The following NDUFS4 variants were observed in gnomAD, a reference collection of about 807,000 sequenced individuals.
NDUFS4 encodes the protein NADH dehydrogenase [ubiquinone] iron-sulfur protein 4, mitochondrial.
NDUFS4 carries 28 observed loss-of-function variants against 24.3 expected under a neutral mutation model. The observed-to-expected ratio is 1.15, with a 90% CI of 0.85 to 1.58. The LOEUF is 1.58. Among genes scored for constraint, NDUFS4 ranks in the 40% most tolerant of loss-of-function variants. The probability of loss-of-function intolerance (pLI) is 0.00; values close to 1 mark genes in which losing one functional copy is unlikely to be tolerated. For missense variants in NDUFS4, 223 were observed against 207.9 expected (o/e 1.07, Z -0.45); for synonymous variants, 93 against 69.7 (o/e 1.34, Z -1.67).
chr5:53,619,507 A>AAC (rs1263208791), intron 2 of NDUFS4, among the ~76,000 whole-genome samples: 7 of 150,480 alleles, frequency 4.7e-5, no homozygotes, highest in Non-Finnish European at 8.9e-5. Flanking sequence ...AAAAAAAAAA[A>AAC]ACACATTATA....
intron 1 of NDUFS4, among the ~76,000 whole-genome samples, chr5:53,575,987 A>G (rs1257119871): frequency 6.6e-6 from 1 of 152,276 alleles, no homozygotes; most frequent in Non-Finnish European, 1.5e-5. Flanking sequence ...TTATTTAAAG[A>G]TGTTGCCCAT....
At chr5:53,574,606 ATCTTT>A (rs1396183573) in intron 1 of NDUFS4, among the ~76,000 whole-genome samples, 1 of 152,140 alleles carries the variant, frequency 6.6e-6, no homozygotes, top group African/African-American at 2.4e-5. Flanking sequence ...ATTTTTCATC[ATCTTT>A]TCTTTTGAAT....
At chr5:53,566,842 G>A (rs982121100) in intron 1 of NDUFS4, among the ~76,000 whole-genome samples, 9 of 146,526 alleles carry the variant, frequency 6.1e-5, no homozygotes, top group African/African-American at 2.1e-4. Context: ...CTCCCCCACC[G>A]CCAAGTATTT....
chr5:53,601,003 A>T (rs994154890), intron 1 of NDUFS4, among the ~76,000 whole-genome samples: 11 of 130,698 alleles, frequency 8.4e-5, no homozygotes, highest in Non-Finnish European at 1.5e-4. Context: ...TTTATAATAA[A>T]TTTTTTTTTT....
At chr5:53,658,797 A>AC in intron 4 of NDUFS4, 173 bp downstream of exon 4, 1 of 593,118 alleles carries the variant, frequency 1.7e-6, no homozygotes, top group East Asian at 2.8e-5. Context: ...AAAAAAAAAA[A>AC]AAAAAAACCT....
intron 2 of NDUFS4, among the ~76,000 whole-genome samples, chr5:53,605,902 T>C (rs917678672): frequency 2.0e-5 from 3 of 151,606 alleles, no homozygotes; most frequent in African/African-American, 7.3e-5. Flanking sequence ...TAGTCCCAGC[T>C]GCTGAGGAGG....
intron 4 of NDUFS4, among the ~76,000 whole-genome samples, chr5:53,662,705 C>T (rs1354982048): frequency 6.6e-6 from 1 of 152,152 alleles, no homozygotes; most frequent in Non-Finnish European, 1.5e-5. Context: ...GATTCAGCTT[C>T]TTCCTGGTTT....
chr5:53,634,035 A>T (rs1751480680), intron 2 of NDUFS4, among the ~76,000 whole-genome samples: 1 of 152,224 alleles, frequency 6.6e-6, no homozygotes, highest in Non-Finnish European at 1.5e-5. Flanking sequence ...CTTGCATTAT[A>T]ATATAATGTT....
At chr5:53,610,867 A>T (rs1235044637) in intron 2 of NDUFS4, among the ~76,000 whole-genome samples, 1 of 152,068 alleles carries the variant, frequency 6.6e-6, no homozygotes, top group Non-Finnish European at 1.5e-5. Context: ...TGTGGTGGGG[A>T]TTATTGCCTT....
intron 1 of NDUFS4, among the ~76,000 whole-genome samples, chr5:53,571,034 G>A (rs979144903): frequency 2.0e-5 from 3 of 151,718 alleles, no homozygotes; most frequent in Admixed American, 2.0e-4. Flanking sequence ...ATTTCATTAC[G>A]GATTTTTATT....
intron 2 of NDUFS4, among the ~76,000 whole-genome samples, chr5:53,640,888 G>A (rs1751689137): frequency 6.6e-6 from 1 of 152,078 alleles, no homozygotes; most frequent in South Asian, 2.1e-4. Context: ...ATTAATCTGT[G>A]ACATTAACCA....
intron 1 of NDUFS4, among the ~76,000 whole-genome samples, chr5:53,580,027 G>A (rs1749506213): frequency 6.6e-6 from 1 of 152,088 alleles, no homozygotes; most frequent in South Asian, 2.1e-4. Context: ...CTGACTTCTA[G>A]ATCTATAAGA....
At chr5:53,650,448 T>C (rs187608635) in intron 3 of NDUFS4, among the ~76,000 whole-genome samples, 60 of 152,314 alleles carry the variant, frequency 3.9e-4, no homozygotes, top group Admixed American at 9.8e-4. Flanking sequence ...CTGTGTATTT[T>C]TGGGCTTAGT....
chr5:53,672,000 G>A (rs190336691), intron 4 of NDUFS4, among the ~76,000 whole-genome samples: 37 of 152,230 alleles, frequency 2.4e-4, no homozygotes, highest in Middle Eastern at 3.4e-3. Flanking sequence ...ATTCTTCATA[G>A]TGGGTCTATT....
chr5:53,624,504 A>G (rs1241061270), intron 2 of NDUFS4, among the ~76,000 whole-genome samples: 1 of 152,056 alleles, frequency 6.6e-6, no homozygotes, highest in Non-Finnish European at 1.5e-5. Flanking sequence ...TATGTCTTTA[A>G]TTTCTTTTAA....
chr5:53,637,662 T>C (rs1185236155), intron 2 of NDUFS4, among the ~76,000 whole-genome samples: 1 of 152,076 alleles, frequency 6.6e-6, no homozygotes, highest in Admixed American at 6.6e-5. Flanking sequence ...AACAAAACAT[T>C]AAAGACCCAC....
chr5:53,644,515 C>T (rs2112505181), intron 2 of NDUFS4, among the ~76,000 whole-genome samples: 1 of 152,136 alleles, frequency 6.6e-6, no homozygotes, highest in Non-Finnish European at 1.5e-5. Flanking sequence ...TGAGGACTTC[C>T]CAGGAGTTGA....
At chr5:53,573,437 C>T (rs1010048584) in intron 1 of NDUFS4, among the ~76,000 whole-genome samples, 5 of 152,094 alleles carry the variant, frequency 3.3e-5, no homozygotes, top group African/African-American at 1.2e-4. Flanking sequence ...ATCTTTCAAT[C>T]CATAAACATG....
chr5:53,590,960 C>A (rs1052153257), intron 1 of NDUFS4, among the ~76,000 whole-genome samples: 1 of 152,180 alleles, frequency 6.6e-6, no homozygotes, highest in South Asian at 2.1e-4. Flanking sequence ...AAGCCCCTGG[C>A]AACTACCATT....
Sources: allele counts gnomAD v4.1 joint callset (sites outside exome capture counted in the v4.1 genomes callset), GRCh38; gene constraint gnomAD v4.1.1; transcripts MANE v1.5; gene names NCBI Gene and HGNC (gene_info 2026-07-23, HGNC 2026-07-21).